The following PCLO variants were observed in gnomAD, a reference collection of about 807,000 sequenced individuals.
The protein encoded by PCLO is piccolo presynaptic cytomatrix protein, also known as protein piccolo.
A neutral mutation model predicts 427.5 loss-of-function variants in PCLO; 82 were observed. That is an observed-to-expected ratio of 0.19 (90% CI 0.16 to 0.23). PCLO has a LOEUF of 0.23. PCLO is among the 10% of genes least tolerant of loss of function. The pLI is 1.00. For missense variants in PCLO, 6,239 were observed against 6,115.9 expected (o/e 1.02, Z -0.67); for synonymous variants, 2,357 against 2,155.4 (o/e 1.09, Z -2.59).
chr7:83,051,751 T>C (rs1302095218), intron 3 of PCLO, among the ~76,000 whole-genome samples: 2 of 152,098 alleles, frequency 1.3e-5, no homozygotes, highest in Non-Finnish European at 2.9e-5. Flanking sequence ...GCCATCAGAA[T>C]ACTGAAGAAG....
Position 83,154,807 on chromosome 7 carries a change from C to T in PCLO, c.1834G>A (p.Glu612Lys), listed in dbSNP as rs573470161. Reference sequence around the variant, plus strand: ...AGACTACAGACAGTGGTTTGACACTCAGTGCATGTGTTAAAATTGGCCTTT... The same window carrying T: ...AGACTACAGACAGTGGTTTGACACTTAGTGCATGTGTTAAAATTGGCCTTT... ...PEKANFNTCT[E>K]CQTTVCSLCG... Residue 612 changes from glutamate (E) to lysine (K), a missense_variant, in exon 2 of 25, where the codon GAG becomes AAG. Physicochemically the swap from Glu to Lys is moderately conservative, Grantham distance 56. This residue lies in a region of PCLO where 4,677 missense variants were observed against 4,468.4 expected (regional missense o/e 1.05). Coordinates refer to ENST00000333891, the MANE Select transcript of PCLO (RefSeq NM_033026.6). 4.9e-5 allele frequency: 79 copies of T among 1,613,934 alleles called. No homozygotes were observed. The South Asian group carries it at 7.6e-4, about 15-fold the overall frequency.
chr7:83,024,918 A>G (rs904987000), intron 3 of PCLO, among the ~76,000 whole-genome samples: 3 of 151,534 alleles, frequency 2.0e-5, no homozygotes, highest in Admixed American at 2.0e-4. Flanking sequence ...GAAAACTAAC[A>G]AACAGAAAGG....
intron 9 of PCLO, among the ~76,000 whole-genome samples, chr7:82,889,441 C>T (rs1256851441): frequency 1.3e-5 from 2 of 152,038 alleles, no homozygotes; most frequent in African/African-American, 4.8e-5. Flanking sequence ...GGCTTCTGAA[C>T]TAAGTTACAA....
intron 6 of PCLO, among the ~76,000 whole-genome samples, chr7:82,931,564 T>C (rs1794840635): frequency 6.6e-6 from 1 of 152,048 alleles, no homozygotes; most frequent in African/African-American, 2.4e-5. Flanking sequence ...ACTCATGTGG[T>C]TGTTGGCAGG....
chr7:82,774,908 C>T (rs1421475758), intron 22 of PCLO, among the ~76,000 whole-genome samples: 1 of 152,190 alleles, frequency 6.6e-6, no homozygotes, highest in African/African-American at 2.4e-5. Context: ...ATTCCTTCTC[C>T]CCGCTAAACC....
At chr7:82,946,250 C>A (rs573753434) in intron 6 of PCLO, among the ~76,000 whole-genome samples, 2 of 152,196 alleles carry the variant, frequency 1.3e-5, no homozygotes, top group African/African-American at 4.8e-5. Context: ...TTTTCCCATT[C>A]CTTCTATGAT....
In PCLO at chr7:82,950,459, G is replaced by T; in HGVS notation, c.10129C>A (p.Gln3377Lys). 6.2e-7 allele frequency: 1 copy of T among 1,613,698 alleles called. No individual in the cohort carries two copies. The highest frequency in any genetic ancestry group is 8.5e-7 in the Non-Finnish European group (1 of 1,179,784). ...ATGTACTGAGTAACACCATCAGACT[G>T]AACGGTGTACCATCCTTGGCTTTGT... Reference protein sequence around the residue: ...IPQSQGWYTVQSDGVTQYIAP... With the variant: ...IPQSQGWYTVKSDGVTQYIAP... Residue 3377 changes from glutamine (Q) to lysine (K), a missense_variant, in exon 6 of 25, where the codon CAG (glutamine) becomes AAG (lysine). Physicochemically the swap from Gln to Lys is moderately conservative, Grantham distance 53. Around this residue, in one of 5 missense-constraint regions of PCLO, gnomAD observed 4,677 missense variants for 4,468.4 expected, o/e 1.05. Coordinates refer to ENST00000333891, the MANE Select transcript of PCLO (RefSeq NM_033026.6).
rs1331695415 is a variant in PCLO, at chr7:82,756,087, T to C, written c.*2488A>G. 2.0e-5 allele frequency: 3 copies of C among 152,162 alleles called. No homozygotes were observed. Among genetic ancestry groups the C allele is most frequent in the Non-Finnish European group, 4.4e-5 (3 of 68,036 alleles). The allele number at this position is 152,162 out of a possible 1,614,324, so 9.4% of individuals were successfully genotyped here. A position where few individuals can be genotyped will look rare whatever the true frequency, so the allele number is the denominator to read the frequency against. On this transcript the variant is annotated 3_prime_UTR_variant, in exon 25 of 25. Coordinates refer to ENST00000333891, the MANE Select transcript of PCLO (RefSeq NM_033026.6). Reference sequence around the variant, plus strand: ...TTTGTTTTGGTGATCCCTCCATTTATATTATTCTAAAAGAAATTGCAACTG... The same window carrying C: ...TTTGTTTTGGTGATCCCTCCATTTACATTATTCTAAAAGAAATTGCAACTG...
chr7:83,052,042 C>G (rs1789268358), intron 3 of PCLO, among the ~76,000 whole-genome samples: 1 of 151,542 alleles, frequency 6.6e-6, no homozygotes, highest in Non-Finnish European at 1.5e-5. Context: ...AACCCAAAAA[C>G]AGATCAAAGA....
intron 13 of PCLO, among the ~76,000 whole-genome samples, chr7:82,842,507 G>A (rs1008594897): frequency 6.6e-5 from 10 of 152,052 alleles, no homozygotes; most frequent in African/African-American, 2.2e-4. Flanking sequence ...AGATGACTCC[G>A]AAAGCACAGG....
intron 3 of PCLO, among the ~76,000 whole-genome samples, chr7:83,031,727 TC>T (rs1788671031): frequency 1.3e-5 from 2 of 151,486 alleles, no homozygotes; most frequent in Admixed American, 1.3e-4. Context: ...TCTCTCTCTC[TC>T]TCTCTCCCTC....
chr7:83,159,378 A>T (rs1436269408), intron 1 of PCLO, among the ~76,000 whole-genome samples: 1 of 152,086 alleles, frequency 6.6e-6, no homozygotes, highest in Non-Finnish European at 1.5e-5. Context: ...CTAATCAGAG[A>T]ATTTTTTTCA....
intron 2 of PCLO, among the ~76,000 whole-genome samples, chr7:83,151,842 T>C (rs1280336663): frequency 1.3e-5 from 2 of 152,076 alleles, no homozygotes; most frequent in Non-Finnish European, 2.9e-5. Context: ...AAACTAACTA[T>C]AGTAACTACT....
chr7:82,843,505 T>C (rs544118702), intron 13 of PCLO, among the ~76,000 whole-genome samples: 1 of 152,082 alleles, frequency 6.6e-6, no homozygotes, highest in Non-Finnish European at 1.5e-5. Context: ...AGTAAATGTA[T>C]ATATTCTTCA....
chr7:83,139,333 T>C (rs1296064098), intron 2 of PCLO, among the ~76,000 whole-genome samples: 1 of 152,198 alleles, frequency 6.6e-6, no homozygotes, highest in Non-Finnish European at 1.5e-5. Context: ...TTTCTTGGGA[T>C]GTATTTGGTT....
intron 6 of PCLO, among the ~76,000 whole-genome samples, chr7:82,937,179 A>G (rs1343539177): frequency 2.0e-5 from 3 of 151,714 alleles, no homozygotes; most frequent in African/African-American, 7.2e-5. Flanking sequence ...TTAAAATAGC[A>G]GTCCTTTAAA....
At chr7:83,059,147 C>T (rs1321297357) in intron 3 of PCLO, among the ~76,000 whole-genome samples, 3 of 150,246 alleles carry the variant, frequency 2.0e-5, no homozygotes, top group African/African-American at 4.9e-5. Flanking sequence ...TACTATACCA[C>T]CACATTCTCT....
chr7:82,907,958 T>C (rs533183561), intron 8 of PCLO, among the ~76,000 whole-genome samples: 7 of 152,230 alleles, frequency 4.6e-5, no homozygotes, highest in East Asian at 3.9e-4. Flanking sequence ...CACTGAATTA[T>C]AGTAAGTCTA....
chr7:82,880,220 A>C (rs1793471520), intron 9 of PCLO, among the ~76,000 whole-genome samples: 1 of 152,176 alleles, frequency 6.6e-6, no homozygotes, highest in South Asian at 2.1e-4. Context: ...TAAACATGGA[A>C]AAACTACAGT....
Sources: allele counts gnomAD v4.1 joint callset (sites outside exome capture counted in the v4.1 genomes callset), GRCh38; gene constraint gnomAD v4.1.1; regional missense constraint gnomAD v4.1.1; transcripts MANE v1.5; gene names NCBI Gene and HGNC (gene_info 2026-07-23, HGNC 2026-07-21).